The following FRMPD4 variants were observed in gnomAD, a reference collection of about 807,000 sequenced individuals.
FRMPD4 encodes FERM and PDZ domain containing 4.
A neutral mutation model predicts 94.1 loss-of-function variants in FRMPD4; 22 were observed. The ratio of observed to expected loss-of-function variants is 0.23; its 90% CI spans 0.17 to 0.33. The LOEUF (loss-of-function observed/expected upper bound fraction) is 0.33, where lower values mean the gene tolerates loss of function less well. FRMPD4 is among the 10% of genes least tolerant of loss of function. The probability of loss-of-function intolerance (pLI) is 1.00; values close to 1 mark genes in which losing one functional copy is unlikely to be tolerated. For synonymous variants in FRMPD4, 631 were observed against 548.6 expected, an observed-to-expected ratio of 1.15 and a Z score of -2.10; for missense variants, 1,111 against 1,339.9, an observed-to-expected ratio of 0.83 and a Z score of 2.67.
At chrX:12,231,801 C>T (rs1316961320) in intron 1 of FRMPD4, among the ~76,000 whole-genome samples, 2 of 111,575 alleles carry the variant, frequency 1.8e-5, no homozygotes, top group Non-Finnish European at 3.8e-5. Context: ...TCCATTACTT[C>T]CCACTTCATG....
intron 1 of FRMPD4, among the ~76,000 whole-genome samples, chrX:12,439,078 G>A (rs1318225205): frequency 1.8e-5 from 2 of 111,284 alleles, no homozygotes; most frequent in African/African-American, 3.3e-5. Flanking sequence ...GTTGTTCATT[G>A]TCCAGTATAA....
At position 11,847,976 on chromosome X, in the gene FRMPD4, G is replaced by T. The variant is rs1236450626; in HGVS notation, c.-160-17110G>T. On this transcript the variant is annotated intron_variant, in intron 1 of 18. Coordinates refer to the FRMPD4 transcript ENST00000640291. The stretch of plus-strand genomic sequence containing the variant: ...GCAGCACACCAGCATGGCACATGTA[G>T]ACATATGTAACTAACCTGCACATTG... Among the ~76,000 whole-genome samples, 130 of 104,351 alleles carry T rather than the reference G, an allele frequency of 1.2e-3. 1 individual carries two copies. Among genetic ancestry groups the T allele is most frequent in the Middle Eastern group, 4.8e-3 (1 of 208 alleles). The allele number at this position is 104,351 out of a possible 115,157, so 90.6% of individuals were successfully genotyped here. A position where few individuals can be genotyped will look rare whatever the true frequency, so the allele number is the denominator to read the frequency against.
chrX:12,256,137 A>G (rs1031487990), intron 1 of FRMPD4, among the ~76,000 whole-genome samples: 33 of 111,850 alleles, frequency 3.0e-4, no homozygotes, highest in South Asian at 1.9e-3. Flanking sequence ...TAGGCATGCA[A>G]TAAGTGAGAT....
At position 12,111,898 on chromosome X, in the gene FRMPD4, A is replaced by G. The variant is rs1362587021; in HGVS notation, c.95+233880A>G. On this transcript the variant is annotated intron_variant, in intron 3 of 18. Transcript: ENST00000640291. ...TCTCACACCAGTTAGAATGGTGATC[A>G]TTAAAAAGTCAGGAAACAACAGGTG... 1.4e-3 allele frequency among the ~76,000 whole-genome samples: 151 copies of G among 111,796 alleles called. 1 individual carries two copies. The highest frequency in any genetic ancestry group is 2.5e-3 in the Non-Finnish European group (133 of 53,129).
intron 1 of FRMPD4, among the ~76,000 whole-genome samples, chrX:12,491,068 C>T (rs1180908902): frequency 9.1e-6 from 1 of 110,338 alleles, no homozygotes; most frequent in Non-Finnish European, 1.9e-5. Context: ...AATGTGTTTC[C>T]CTAGAGCCAC....
At chrX:12,167,867 G>A (rs1181943311) in intron 1 of FRMPD4, among the ~76,000 whole-genome samples, 2 of 111,961 alleles carry the variant, frequency 1.8e-5, no homozygotes, top group Non-Finnish European at 3.8e-5. Flanking sequence ...GGAATAAAAA[G>A]AATTCTATCT....
chrX:12,189,802 C>T (rs957237048), intron 1 of FRMPD4, among the ~76,000 whole-genome samples: 16 of 111,321 alleles, frequency 1.4e-4, no homozygotes, highest in African/African-American at 5.2e-4. Context: ...TCAAAACTTT[C>T]TTACTAAGAT....
chrX:12,339,101 C>G (rs1345687191), intron 1 of FRMPD4, among the ~76,000 whole-genome samples: 1 of 111,699 alleles, frequency 9.0e-6, no homozygotes, highest in Non-Finnish European at 1.9e-5. Context: ...CAATCCAGGC[C>G]GAACATCCAT....
At chrX:12,544,141 C>A (rs917878498) in intron 2 of FRMPD4, among the ~76,000 whole-genome samples, 3 of 107,533 alleles carry the variant, frequency 2.8e-5, no homozygotes, top group Non-Finnish European at 5.8e-5. Context: ...ATGTAAATGA[C>A]GAGTTAATGG....
At chrX:12,102,008 A>G (rs1332615678) in intron 3 of FRMPD4, among the ~76,000 whole-genome samples, 2 of 112,046 alleles carry the variant, frequency 1.8e-5, no homozygotes, top group African/African-American at 6.5e-5. Context: ...AATAGTGTTC[A>G]CAAATATTCT....
chrX:12,710,749 T>TA (rs1382513754), intron 14 of FRMPD4, among the ~76,000 whole-genome samples: 1 of 110,094 alleles, frequency 9.1e-6, no homozygotes, highest in Non-Finnish European at 1.9e-5. Context: ...CTACTAAAAA[T>TA]ACAAAAATTA....
At chrX:12,017,862 G>A (rs2147420331) in intron 3 of FRMPD4, among the ~76,000 whole-genome samples, 1 of 111,599 alleles carries the variant, frequency 9.0e-6, no homozygotes, top group Non-Finnish European at 1.9e-5. Context: ...CCAGGTTCTA[G>A]CTTGGTAACT....
intron 3 of FRMPD4, among the ~76,000 whole-genome samples, chrX:11,924,044 T>C (rs912052612): frequency 2.7e-5 from 3 of 112,187 alleles, no homozygotes; most frequent in South Asian, 7.5e-4. Context: ...GATAAAATGA[T>C]GCAGGAGTTG....
intron 1 of FRMPD4, 107 bp from the exon 2 acceptor site, chrX:12,498,573 G>A (rs1355984400): frequency 1.1e-5 from 6 of 562,513 alleles, no homozygotes; most frequent in South Asian, 2.3e-5. Context: ...TTAATTGGGG[G>A]TTTGCCCAAT....
intron 3 of FRMPD4, among the ~76,000 whole-genome samples, chrX:11,935,265 A>ATT (rs1569129069): frequency 3.9e-4 from 1 of 2,597 alleles, no homozygotes; most frequent in African/African-American, 1.6e-3. Context: ...TTTTTTTTTA[A>ATT]TGTGTTTTTT....
chrX:11,942,228 C>CTT (rs560019319), intron 3 of FRMPD4, among the ~76,000 whole-genome samples: 110 of 79,111 alleles, frequency 1.4e-3, no homozygotes, highest in African/African-American at 3.3e-3. Flanking sequence ...TTTTTCTTTC[C>CTT]TTTTTTTTTT....
rs1341435731 is a variant in FRMPD4 at position 12,335,600 on chromosome X, T to C, written c.42-163080T>C. ...CTCCCATTTTCCAGGGCCATTTCTC[T>C]CCCCACTGAGATGCTTTCACTATCT... is the stretch of plus-strand genomic sequence containing the variant. On this transcript the variant is annotated intron_variant, in intron 1 of 16. Transcript: ENST00000675598. Among the ~76,000 whole-genome samples the C allele has an allele frequency of 9.9e-5, 11 of 111,484 alleles. No individual in the cohort carries two copies. The Admixed American group carries it at 1.1e-3, about 11-fold the overall frequency.
chrX:12,559,100 T>C (rs1025241010), intron 2 of FRMPD4, among the ~76,000 whole-genome samples: 1 of 112,179 alleles, frequency 8.9e-6, no homozygotes, highest in Admixed American at 9.5e-5. Context: ...GAAAATTGAT[T>C]TGGGCTCTAT....
At chrX:12,127,452 C>T (rs1313427575) in intron 3 of FRMPD4, among the ~76,000 whole-genome samples, 4 of 111,633 alleles carry the variant, frequency 3.6e-5, no homozygotes, top group African/African-American at 1.3e-4. Flanking sequence ...AACTCATTCA[C>T]TATCACAAGA....
Sources: allele counts gnomAD v4.1 joint callset (sites outside exome capture counted in the v4.1 genomes callset), GRCh38; gene constraint gnomAD v4.1.1; transcripts MANE v1.5; gene names NCBI Gene and HGNC (gene_info 2026-07-23, HGNC 2026-07-21).